Variants in CYFIP1 observed in about 807,000 individuals in gnomAD.
CYFIP1 encodes the protein cytoplasmic FMR1 interacting protein 1.
Under a neutral mutation model 163.5 loss-of-function variants are expected in CYFIP1, and 58 were observed. The observed-to-expected ratio is 0.35, with a 90% CI of 0.29 to 0.44. The LOEUF (loss-of-function observed/expected upper bound fraction) is 0.44, where lower values mean the gene tolerates loss of function less well. Ranked by LOEUF, CYFIP1 falls within the 20% of genes least tolerant of loss-of-function variation. The probability of loss-of-function intolerance (pLI) is 1.00; values close to 1 mark genes in which losing one functional copy is unlikely to be tolerated. For synonymous variants in CYFIP1, 663 were observed against 660.7 expected (o/e 1.00, Z -0.05); for missense variants, 1,338 against 1,653.8 (o/e 0.81, Z 3.31).
chr15:22,905,874 C>T (rs2060560969), intron 21 of CYFIP1, among the ~76,000 whole-genome samples: 1 of 151,976 alleles, frequency 6.6e-6, no homozygotes. Flanking sequence ...ATTCTCCTGC[C>T]TCAGCCTCCC....
intron 1 of CYFIP1, among the ~76,000 whole-genome samples, chr15:22,974,233 A>C (rs2063192713): frequency 6.6e-6 from 1 of 152,140 alleles, no homozygotes; most frequent in Non-Finnish European, 1.5e-5. Context: ...CCCCATGTTT[A>C]TTGCAGCACC....
At chr15:22,905,863 C>T (rs1438418305) in intron 21 of CYFIP1, among the ~76,000 whole-genome samples, 1 of 150,674 alleles carries the variant, frequency 6.6e-6, no homozygotes, top group Non-Finnish European at 1.5e-5. Flanking sequence ...GGGTTCCTGC[C>T]ATTCTCCTGC....
chr15:22,923,474 G>C (rs1460818424), intron 13 of CYFIP1, among the ~76,000 whole-genome samples: 2 of 152,156 alleles, frequency 1.3e-5, no homozygotes, highest in Non-Finnish European at 2.9e-5. Context: ...TAACAAGTTT[G>C]GTGTGGATGT....
intron 1 of CYFIP1, among the ~76,000 whole-genome samples, chr15:22,958,739 T>G (rs966171463): frequency 2.0e-5 from 3 of 152,184 alleles, no homozygotes; most frequent in African/African-American, 4.8e-5. Context: ...CCTGTCACTC[T>G]CCTGCTCACG....
intron 24 of CYFIP1, 66 bp from the exon 25 acceptor site, chr15:22,882,002 C>T (rs1442224215): frequency 3.6e-6 from 5 of 1,394,408 alleles, no homozygotes; most frequent in South Asian, 1.2e-5. Context: ...CTGTGGCCGG[C>T]GCATACCCTG....
At position 22,934,490 on chromosome 15, in the gene CYFIP1, T is replaced by C. The variant is rs1349767611; in HGVS notation, c.901-597A>G. Among the ~76,000 whole-genome samples the C allele has an allele frequency of 1.1e-4, 8 of 72,262 alleles. No individual in the cohort carries two copies. The East Asian group carries it at 2.4e-3, about 22-fold the overall frequency. The allele number at this position is 72,262 out of a possible 152,430, so 47.4% of individuals were successfully genotyped here. A position where few individuals can be genotyped will look rare whatever the true frequency, so the allele number is the denominator to read the frequency against. The stretch of plus-strand genomic sequence containing the variant: ...GTGAACCACCGCACCCAGCCCTTTT[T>C]TTTTTTTTTTTTTTTTTTTTTTTGA... On this transcript the variant is annotated intron_variant, in intron 9 of 30. Transcript: ENST00000617928.
At position 22,869,224 on chromosome 15, in the gene CYFIP1, G is replaced by C. The variant is rs1450053937; in HGVS notation, c.*804C>G. ...ACAGGTAACAGAGAGGCACTGAGTA[G>C]CCTCTTCATATCCAGATTGGAGCAG... On this transcript the variant is annotated 3_prime_UTR_variant, in exon 31 of 31. Coordinates refer to ENST00000617928, the MANE Select transcript of CYFIP1 (RefSeq NM_014608.6). The C allele has an allele frequency of 6.6e-6, 1 of 152,252 alleles. No individual in the cohort carries two copies. Among genetic ancestry groups the C allele is most frequent in the Non-Finnish European group, 1.5e-5 (1 of 68,106 alleles). The allele number at this position is 152,252 out of a possible 1,614,324, so 9.4% of individuals were successfully genotyped here. A position where few individuals can be genotyped will look rare whatever the true frequency, so the allele number is the denominator to read the frequency against.
intron 23 of CYFIP1, among the ~76,000 whole-genome samples, chr15:22,884,433 A>G (rs2059874109): frequency 6.6e-6 from 1 of 152,246 alleles, no homozygotes; most frequent in South Asian, 2.1e-4. Context: ...TGGGGCAGTC[A>G]TTAAATCTTA....
intron 13 of CYFIP1, among the ~76,000 whole-genome samples, chr15:22,922,091 A>G (rs1457398025): frequency 6.6e-6 from 1 of 152,176 alleles, no homozygotes; most frequent in African/African-American, 2.4e-5. Context: ...CACATCCCCA[A>G]GAAAGGCCCA....
chr15:22,868,775 A>G lies in CYFIP1; in HGVS notation c.*1253T>C, dbSNP rs2059329931. ...GGCCTGCTTTTTATGGCAACTTGGC[A>G]TCCATAGAAAATTTTAAAATTGGTG... On this transcript the variant is annotated 3_prime_UTR_variant, in exon 31 of 31. Transcript: ENST00000617928. 1 of 152,206 alleles carries G rather than the reference A, an allele frequency of 6.6e-6. No individual in the cohort carries two copies. The highest frequency in any genetic ancestry group is 1.5e-5 in the Non-Finnish European group (1 of 68,030). The allele number at this position is 152,206 out of a possible 1,614,324, so 9.4% of individuals were successfully genotyped here.
intron 12 of CYFIP1, among the ~76,000 whole-genome samples, chr15:22,926,694 AT>A (rs1391835591): frequency 1.3e-4 from 20 of 152,358 alleles, no homozygotes; most frequent in African/African-American, 4.8e-4. Flanking sequence ...AAAGACATTG[AT>A]GGCTGGAGCT....
intron 1 of CYFIP1, among the ~76,000 whole-genome samples, chr15:22,971,676 CAAAAAAA>C (rs34402750): frequency 7.5e-6 from 1 of 133,376 alleles, no homozygotes; most frequent in Middle Eastern, 3.6e-3. Context: ...AACTCTGTCT[CAAAAAAA>C]AAAAGAAAAA....
At chr15:22,870,993 CAG>C (rs761664020) in intron 30 of CYFIP1, among the ~76,000 whole-genome samples, 25 of 152,168 alleles carry the variant, frequency 1.6e-4, no homozygotes, top group Non-Finnish European at 2.9e-4. Context: ...AGGGCCTCCT[CAG>C]GGGCAGATGC....
At chr15:22,924,034 T>C (rs2061280247) in intron 13 of CYFIP1, among the ~76,000 whole-genome samples, 1 of 151,488 alleles carries the variant, frequency 6.6e-6, no homozygotes, top group South Asian at 2.1e-4. Context: ...GTCTATCATC[T>C]GATGGATGGA....
chr15:22,875,185 G>A lies in CYFIP1; in HGVS notation c.3115+14C>T, dbSNP rs1409033938. 4 of 1,613,582 alleles carry A rather than the reference G, an allele frequency of 2.5e-6. No homozygotes were observed. Among genetic ancestry groups the A allele is most frequent in the East Asian group, 4.5e-5 (2 of 44,884 alleles). On this transcript the variant is annotated intron_variant, in intron 27 of 30. Coordinates refer to ENST00000617928, the MANE Select transcript of CYFIP1 (RefSeq NM_014608.6). ...GGGCAGTCTGGACTCCCTGGTGGGGGTCAGCAGGCTCACCTTTCACATGGA... is the reference window on the plus strand; with the variant it reads ...GGGCAGTCTGGACTCCCTGGTGGGGATCAGCAGGCTCACCTTTCACATGGA...
chr15:22,893,440 G>T (rs764818992), intron 22 of CYFIP1, among the ~76,000 whole-genome samples: 13 of 152,182 alleles, frequency 8.5e-5, no homozygotes, highest in Admixed American at 2.6e-4. Flanking sequence ...TGGATTAGGG[G>T]ACACTTAAAA....
At chr15:22,916,748 C>G in intron 15 of CYFIP1, 118 bp from the exon 16 acceptor site, 1 of 1,611,288 alleles carries the variant, frequency 6.2e-7, no homozygotes. Context: ...CGGGAGGGCC[C>G]CGCACCAGCT....
Position 22,917,832 on chromosome 15 carries a change from C to T in CYFIP1, c.1630G>A (p.Asp544Asn), listed in dbSNP as rs767421257. 6.2e-6 allele frequency: 10 copies of T among 1,613,764 alleles called. No individual in the cohort carries two copies. The highest frequency in any genetic ancestry group is 3.3e-5 in the Admixed American group (2 of 59,974). ...ACGGCGCGGCGTGGTACTTTTATGT[C>T]GAAGCCGCTCTTGGGGTCCTTCTCG... ...RGEKDPKSGF[D>N]IKVPRRAVGP... is the part of the protein sequence containing the mutation. Residue 544 changes from aspartate to asparagine, a missense_variant, in exon 15 of 31, where the codon GAC (aspartate) becomes AAC (asparagine). Physicochemically the swap from Asp to Asn is conservative, Grantham distance 23 (BLOSUM62 1). Transcript: ENST00000617928. This position sits in a 1 kb window ranked among gnomAD's most constrained non-coding sequence, Gnocchi z 4.2.
At chr15:22,893,056 C>A in intron 22 of CYFIP1, 79 bp from the exon 23 acceptor site, 3 of 1,023,560 alleles carry the variant, frequency 2.9e-6, no homozygotes, top group Non-Finnish European at 4.4e-6. Flanking sequence ...CCTCCATAAT[C>A]CATCTACTAA....
Sources: gnomAD v4.1 joint callset for allele counts (sites outside exome capture counted in the v4.1 genomes callset) on GRCh38, gnomAD v4.1.1 for gene constraint, Gnocchi (gnomAD v3.1) non-coding constraint, MANE v1.5 for transcripts, NCBI Gene and HGNC (gene_info 2026-07-23, HGNC 2026-07-21) for gene names.